Variants in PATL2 observed in about 807,000 individuals in gnomAD.
The protein encoded by PATL2 is PAT1 homolog 2, also known as protein PAT1 homolog 2.
In PATL2, 73 loss-of-function variants were observed where a neutral mutation model predicts 77.0. The ratio of observed to expected loss-of-function variants is 0.95; its 90% CI spans 0.78 to 1.15. PATL2 has a LOEUF of 1.15. Among genes scored for constraint, PATL2 ranks in the 50% most tolerant of loss-of-function variants. PATL2 has a pLI of 0.00. For synonymous variants in PATL2, 265 were observed against 257.1 expected, an observed-to-expected ratio of 1.03 and a Z score of -0.29; for missense variants, 618 against 655.4, an observed-to-expected ratio of 0.94 and a Z score of 0.62.
Position 44,676,577 on chromosome 15 carries a change from AAG to A in PATL2, c.-75-14_-75-13del. 2 of 1,540,212 alleles carry A rather than the reference AAG, an allele frequency of 1.3e-6. No individual in the cohort carries two copies. The highest frequency in any genetic ancestry group is 1.8e-6 in the Non-Finnish European group (2 of 1,137,880). ...TCTGGAAGGTAAACCTGAGACAAGA[AAG>A]AGGCCAAGAGGCACCATCCTCAGTC... On this transcript the variant is annotated splice_polypyrimidine_tract_variant and intron_variant, in intron 3 of 17. Transcript: ENST00000682850.
In PATL2 at chr15:44,673,432, G is replaced by T. The variant is rs1223911893; in HGVS notation, c.304-55C>A. 5.8e-6 allele frequency: 9 copies of T among 1,540,034 alleles called. No homozygotes were observed. The African/African-American group carries it at 6.9e-5, about 12-fold the overall frequency. On this transcript the variant is annotated intron_variant, in intron 6 of 17. Transcript: ENST00000682850. ...ACGCCATCTCCACCAAAAGAATGCTGCTCTTGTTGTGAGGGCTCAGTTCCT... is the reference window on the plus strand; with the variant it reads ...ACGCCATCTCCACCAAAAGAATGCTTCTCTTGTTGTGAGGGCTCAGTTCCT...
chr15:44,670,184 A>G lies in PATL2; in HGVS notation c.658-97T>C. 3 of 1,464,342 alleles carry G rather than the reference A, an allele frequency of 2.0e-6. No homozygotes were observed. The East Asian group carries it at 7.4e-5, about 36-fold the overall frequency. The allele number at this position is 1,464,342 out of a possible 1,614,324, so 90.7% of individuals were successfully genotyped here. A position where few individuals can be genotyped will look rare whatever the true frequency, so the allele number is the denominator to read the frequency against. On this transcript the variant is annotated intron_variant, in intron 9 of 17. Transcript: ENST00000682850. ...TTCTCAAGTGCAGCCTCTTAAGTTT[A>G]GTTTTTTTGTGTGTGTTATAAGTTT... is the stretch of plus-strand genomic sequence containing the variant.
Position 44,690,132 on chromosome 15 carries a change from T to C in PATL2, c.-75-13567A>G, listed in dbSNP as rs891363637. On this transcript the variant is annotated intron_variant, in intron 3 of 17. Coordinates refer to ENST00000682850, the MANE Select transcript of PATL2 (RefSeq NM_001387263.1). ...TGAACATGGGAGGCGGAGGTTGCCA[T>C]GAGCTGAGATAGCGCCATTGCACTC... Among the ~76,000 whole-genome samples, 10 of 152,068 alleles carry C rather than the reference T, an allele frequency of 6.6e-5. No individual in the cohort carries two copies. The East Asian group carries it at 9.7e-4, about 15-fold the overall frequency.
intron 7 of PATL2, among the ~76,000 whole-genome samples, 160 bp from the exon 8 acceptor site, chr15:44,672,616 C>G (rs1282437433): frequency 6.6e-6 from 1 of 152,134 alleles, no homozygotes; most frequent in African/African-American, 2.4e-5. Flanking sequence ...AGTCCTAGAC[C>G]CACAGGGTTC....
chr15:44,675,320 G>C, intron 5 of PATL2, 166 bp downstream of exon 5: 1 of 730,816 alleles, frequency 1.4e-6, no homozygotes, highest in South Asian at 2.0e-5. Context: ...ACAGGAGAAA[G>C]AGGGAAGGAG....
chr15:44,676,209 T>C (rs1044006496), intron 4 of PATL2: 1 of 487,544 alleles, frequency 2.1e-6, no homozygotes, highest in Non-Finnish European at 3.8e-6. Context: ...TTAACCCTAC[T>C]GTGTGCCATA....
intron 3 of PATL2, among the ~76,000 whole-genome samples, chr15:44,684,852 G>A (rs1424907994): frequency 6.6e-6 from 1 of 152,174 alleles, no homozygotes; most frequent in African/African-American, 2.4e-5. Flanking sequence ...AGAGAGAAAG[G>A]TTGGGTTACC....
At chr15:44,671,354 T>G (rs948544663) in intron 9 of PATL2, among the ~76,000 whole-genome samples, 10 of 152,088 alleles carry the variant, frequency 6.6e-5, no homozygotes, top group Non-Finnish European at 1.2e-4. Flanking sequence ...CTGCGTATGG[T>G]GGTGCATGCC....
At chr15:44,686,154 G>A (rs974816722) in intron 3 of PATL2, among the ~76,000 whole-genome samples, 4 of 152,014 alleles carry the variant, frequency 2.6e-5, no homozygotes, top group Admixed American at 1.3e-4. Flanking sequence ...CCACATAATT[G>A]GAAGTAAAAC....
intron 3 of PATL2, among the ~76,000 whole-genome samples, chr15:44,677,756 G>A (rs1225445786): frequency 6.6e-6 from 1 of 152,190 alleles, no homozygotes; most frequent in Non-Finnish European, 1.5e-5. Context: ...GCCTTTAAAG[G>A]AAAATATTTG....
intron 3 of PATL2, among the ~76,000 whole-genome samples, chr15:44,685,797 A>G (rs1854710672): frequency 6.6e-6 from 1 of 152,210 alleles, no homozygotes; most frequent in South Asian, 2.1e-4. Context: ...AACAAAGATC[A>G]AAAGAGACAA....
intron 7 of PATL2, 56 bp downstream of exon 7, chr15:44,673,179 C>G: frequency 6.5e-7 from 1 of 1,538,886 alleles, no homozygotes; most frequent in Non-Finnish European, 8.8e-7. Context: ...GCATGGTCCC[C>G]GCCCCTCCTC....
At chr15:44,698,127 A>G (rs2086550662) in intron 3 of PATL2, among the ~76,000 whole-genome samples, 1 of 150,688 alleles carries the variant, frequency 6.6e-6, no homozygotes, top group East Asian at 2.0e-4. Context: ...TGGGTACATA[A>G]TGGGTGTGTG....
At chr15:44,704,808 A>C (rs1237093377) in intron 3 of PATL2, among the ~76,000 whole-genome samples, 1 of 152,160 alleles carries the variant, frequency 6.6e-6, no homozygotes, top group Non-Finnish European at 1.5e-5. Flanking sequence ...TGTTGATGAA[A>C]TCCCTCAACT....
intron 4 of PATL2, chr15:44,676,021 A>G (rs962994772): frequency 1.8e-5 from 6 of 333,158 alleles, no homozygotes; most frequent in Non-Finnish European, 3.3e-5. Flanking sequence ...GTCTCTAAGT[A>G]AAAAATTTAA....
At chr15:44,699,331 T>A (rs2086579171) in intron 3 of PATL2, among the ~76,000 whole-genome samples, 1 of 152,176 alleles carries the variant, frequency 6.6e-6, no homozygotes, top group East Asian at 1.9e-4. Context: ...TAGCTTGAGG[T>A]CTTAGATTTA....
chr15:44,698,400 C>T (rs1279266095), intron 3 of PATL2, among the ~76,000 whole-genome samples: 1 of 152,116 alleles, frequency 6.6e-6, no homozygotes, highest in Admixed American at 6.5e-5. Flanking sequence ...CCCGACTACT[C>T]TTCCCAGCCT....
chr15:44,687,587 T>C (rs1358927788), intron 3 of PATL2, among the ~76,000 whole-genome samples: 1 of 152,062 alleles, frequency 6.6e-6, no homozygotes, highest in Non-Finnish European at 1.5e-5. Flanking sequence ...AAATAAAGGG[T>C]ATTCAAATAG....
chr15:44,710,654 A>G (rs868166743), intron 2 of PATL2, among the ~76,000 whole-genome samples: 2 of 152,156 alleles, frequency 1.3e-5, no homozygotes, highest in Non-Finnish European at 2.9e-5. Context: ...GTTTATTTAT[A>G]TATTCACTAA....
Sources: allele counts gnomAD v4.1 joint callset (sites outside exome capture counted in the v4.1 genomes callset), GRCh38; gene constraint gnomAD v4.1.1; transcripts MANE v1.5; gene names NCBI Gene and HGNC (gene_info 2026-07-23, HGNC 2026-07-21).